CCNF: variants seen among roughly 807,000 people sequenced by gnomAD.
CCNF encodes the protein cyclin F.
A neutral mutation model predicts 85.4 loss-of-function variants in CCNF; 30 were observed. The observed-to-expected ratio is 0.35, with a 90% CI of 0.26 to 0.48. The LOEUF is 0.48. Among genes scored for constraint, CCNF ranks in the 20% least tolerant of loss-of-function variants. The pLI, the probability that CCNF is intolerant of heterozygous loss-of-function variation, is 0.99. For synonymous variants in CCNF, 439 were observed against 425.1 expected (o/e 1.03, Z -0.40); for missense variants, 919 against 1,010.4 (o/e 0.91, Z 1.23).
rs1394630331 is a variant in CCNF, at chr16:2,457,429, C to G, written c.*409C>G. The G allele has an allele frequency of 1.2e-5, 2 of 162,602 alleles. No individual in the cohort carries two copies. The highest frequency in any genetic ancestry group is 2.7e-5 in the Non-Finnish European group (2 of 74,260). The allele number at this position is 162,602 out of a possible 1,614,324, so 10.1% of individuals were successfully genotyped here. A position where few individuals can be genotyped will look rare whatever the true frequency, so the allele number is the denominator to read the frequency against. ...CTGGGTAGTCAGACACCACTTGAGC[C>G]CCTGCCCACATCTGCTGGTTTGGGG... is the stretch of plus-strand genomic sequence containing the variant. On this transcript the variant is annotated 3_prime_UTR_variant, in exon 17 of 17. Coordinates refer to ENST00000397066, the MANE Select transcript of CCNF (RefSeq NM_001761.3).
Position 2,443,644 on chromosome 16 carries a change from C to G in CCNF, c.778-5C>G. ...TCACGCTCATGTTTGTCTTTTCTTC[C>G]TCAGCTGTCTTTAGCCAAAGCCTGT... is the stretch of plus-strand genomic sequence containing the variant. On this transcript the variant is annotated splice_region_variant and splice_polypyrimidine_tract_variant and intron_variant, in intron 8 of 16. Transcript: ENST00000397066. 1 of 1,611,798 alleles carries G rather than the reference C, an allele frequency of 6.2e-7. No homozygotes were observed. The highest frequency in any genetic ancestry group is 8.5e-7 in the Non-Finnish European group (1 of 1,178,088).
At chr16:2,433,805 C>T (rs750670416) in intron 3 of CCNF, among the ~76,000 whole-genome samples, 3 of 152,018 alleles carry the variant, frequency 2.0e-5, no homozygotes, top group Non-Finnish European at 2.9e-5. Context: ...AGGATGGTCT[C>T]GATCTCCTGA....
Position 2,453,579 on chromosome 16 carries a change from A to G in CCNF, c.1715+42A>G, listed in dbSNP as rs770688819. 4.4e-5 allele frequency: 71 copies of G among 1,611,554 alleles called. No individual in the cohort carries two copies. The highest frequency in any genetic ancestry group is 5.5e-5 in the Non-Finnish European group (65 of 1,178,888). The stretch of plus-strand genomic sequence containing the variant: ...TCTGGCTGCGCCATACAATGCTGGC[A>G]TCCTCGTGCCGGCCCAGTTCCCTCA... On this transcript the variant is annotated intron_variant, in intron 15 of 16. Transcript: ENST00000397066. This position sits in a 1 kb window ranked among gnomAD's most constrained non-coding sequence, Gnocchi z 5.6.
intron 1 of CCNF, 92 bp downstream of exon 1, chr16:2,429,589 C>T: frequency 1.1e-5 from 13 of 1,153,090 alleles, no homozygotes; most frequent in Non-Finnish European, 1.4e-5. Context: ...AGGGGAGGCC[C>T]TGGCGGCCTG....
In CCNF at chr16:2,456,684, C is replaced by G; in HGVS notation, c.2025C>G (p.Thr675=). ...ACCCACAGGCACTGGCGCTGGACACCCAGATCCCTGCAACCCCTGGACCCA... is the reference window on the plus strand; with the variant it reads ...ACCCACAGGCACTGGCGCTGGACACGCAGATCCCTGCAACCCCTGGACCCA... ...PQDPQALALD[T]QIPATPGPKP... The change falls in exon 17 of 17, where the codon ACC becomes ACG. Residue 675 remains threonine, a synonymous_variant. Transcript: ENST00000397066. The surrounding 1 kb of genome is among the most constrained non-coding windows in gnomAD (Gnocchi z 4.5). The G allele has an allele frequency of 6.2e-7, 1 of 1,613,586 alleles. No individual in the cohort carries two copies. Among genetic ancestry groups the G allele is most frequent in the Non-Finnish European group, 8.5e-7 (1 of 1,179,906 alleles).
intron 1 of CCNF, 188 bp from the exon 2 acceptor site, chr16:2,430,942 G>A: frequency 1.3e-6 from 1 of 757,320 alleles, no homozygotes; most frequent in Non-Finnish European, 2.4e-6. Flanking sequence ...TCTGTAATTT[G>A]TGCAATGCCA....
chr16:2,431,059 T>C (rs766763090), intron 1 of CCNF, 71 bp from the exon 2 acceptor site: 1 of 1,478,284 alleles, frequency 6.8e-7, no homozygotes. Flanking sequence ...TATCCTTTTT[T>C]TTTCCCTTCA....
Position 2,437,119 on chromosome 16 carries a change from G to T in CCNF, c.347-10G>T, listed in dbSNP as rs1362138465. ...GACATCCCTGGGCTCTGTCCTGTCT[G>T]TCCCCGCAGTGTCTGTGTCTGATGA... On this transcript the variant is annotated splice_polypyrimidine_tract_variant and intron_variant, in intron 4 of 16. Transcript: ENST00000397066. The T allele has an allele frequency of 1.3e-5, 20 of 1,574,336 alleles. No homozygotes were observed. The highest frequency in any genetic ancestry group is 1.7e-5 in the Admixed American group (1 of 58,222).
chr16:2,432,640 C>A (rs948621735), intron 2 of CCNF, among the ~76,000 whole-genome samples: 4 of 152,208 alleles, frequency 2.6e-5, no homozygotes, highest in African/African-American at 9.6e-5. Context: ...TGCCTGCCCC[C>A]TTTTAGAGTG....
At chr16:2,449,122 G>A in intron 11 of CCNF, 144 bp downstream of exon 11, 2 of 1,442,216 alleles carry the variant, frequency 1.4e-6, no homozygotes, top group Non-Finnish European at 1.9e-6. Context: ...CATGGAGCAG[G>A]AGGCCACGGT....
In CCNF at chr16:2,455,375, G is replaced by A; in HGVS notation, c.1716-20G>A. 6.4e-7 allele frequency: 1 copy of A among 1,566,180 alleles called. No homozygotes were observed. The highest frequency in any genetic ancestry group is 8.7e-7 in the Non-Finnish European group (1 of 1,146,816). The stretch of plus-strand genomic sequence containing the variant: ...GCCGCCGTCCATGACTGGGTCTCCT[G>A]GGCTCTCTCCACCTTGCAGGAAGCG... On this transcript the variant is annotated intron_variant, in intron 15 of 16. Transcript: ENST00000397066.
intron 16 of CCNF, among the ~76,000 whole-genome samples, chr16:2,455,926 A>G (rs2065424942): frequency 1.3e-5 from 2 of 152,182 alleles, no homozygotes; most frequent in African/African-American, 2.4e-5. Context: ...AATCCCAGCA[A>G]TTTGAGAGGC....
At chr16:2,439,942 GGCCA>G in intron 8 of CCNF, 116 bp downstream of exon 8, 1 of 846,684 alleles carries the variant, frequency 1.2e-6, no homozygotes, top group Non-Finnish European at 1.9e-6. Context: ...CCACATGGGA[GGCCA>G]GGATTGAGGG....
In CCNF at chr16:2,439,836, G is replaced by A. The variant is rs767479332; in HGVS notation, c.777+10G>A. ...CTGCTGGGAAGCGCAGGTGAGGTGC[G>A]GGGCTGGGATGACGTGGGGAGCTGG... On this transcript the variant is annotated intron_variant, in intron 8 of 16. Transcript: ENST00000397066. 1.1e-5 allele frequency: 17 copies of A among 1,612,752 alleles called. No individual in the cohort carries two copies. The highest frequency in any genetic ancestry group is 2.7e-5 in the African/African-American group (2 of 74,906).
intron 8 of CCNF, among the ~76,000 whole-genome samples, chr16:2,442,732 AC>A (rs2065335331): frequency 3.4e-5 from 1 of 29,030 alleles, no homozygotes; most frequent in Non-Finnish European, 5.3e-5. Context: ...ATATTGTATA[AC>A]ATATAATTAT....
intron 1 of CCNF, chr16:2,430,862 A>G (rs2065258734): frequency 3.5e-6 from 2 of 566,964 alleles, no homozygotes; most frequent in South Asian, 3.3e-5. Flanking sequence ...AAGTTTCCCA[A>G]TAGCCAAGTT....
intron 4 of CCNF, chr16:2,436,243 G>A (rs536642249): frequency 5.5e-5 from 10 of 180,664 alleles, no homozygotes; most frequent in African/African-American, 2.1e-4. Flanking sequence ...TAGAACTCTC[G>A]AGACAGAGTT....
chr16:2,434,835 G>A (rs548164787), intron 3 of CCNF, among the ~76,000 whole-genome samples: 37 of 152,146 alleles, frequency 2.4e-4, no homozygotes, highest in Non-Finnish European at 2.8e-4. Flanking sequence ...CCTTTTGTGA[G>A]GATTTCACAT....
Position 2,453,413 on chromosome 16 carries a change from C to G in CCNF, c.1591C>G (p.Leu531Val). The G allele has an allele frequency of 6.2e-7, 1 of 1,613,988 alleles. No individual in the cohort carries two copies. Among genetic ancestry groups the G allele is most frequent in the East Asian group, 2.2e-5 (1 of 44,886 alleles). ...CCTAACTCTAGCTTCCCCTCAGGTG[C>G]TGAGCTACAGCCAGTTGTGTGCTGC... The part of the protein sequence containing the change: ...RYGEISQEEV[L>V]SYSQLCAALG... The change falls in exon 15 of 17, where the codon CTG becomes GTG. Residue 531 changes from leucine (L) to valine (V), a missense_variant. Leu to Val is a conservative substitution (Grantham distance 32). Transcript: ENST00000397066. This position sits in a 1 kb window ranked among gnomAD's most constrained non-coding sequence, Gnocchi z 5.6.
Sources: allele counts gnomAD v4.1 joint callset (sites outside exome capture counted in the v4.1 genomes callset), GRCh38; gene constraint gnomAD v4.1.1; non-coding constraint Gnocchi (gnomAD v3.1); transcripts MANE v1.5; gene names NCBI Gene and HGNC (gene_info 2026-07-23, HGNC 2026-07-21).